RNGTT: variants seen among roughly 807,000 people sequenced by gnomAD.
The protein encoded by RNGTT is RNA guanylyltransferase and 5'-phosphatase.
A neutral mutation model predicts 79.3 loss-of-function variants in RNGTT; 33 were observed. That is an observed-to-expected ratio of 0.42 (90% CI 0.32 to 0.56). The LOEUF is 0.56. RNGTT is among the 20% of genes least tolerant of loss of function. RNGTT has a pLI of 0.17. For missense variants in RNGTT, 497 were observed against 739.1 expected, an observed-to-expected ratio of 0.67 and a Z score of 3.80; for synonymous variants, 222 against 235.9, an observed-to-expected ratio of 0.94 and a Z score of 0.54.
chr6:88,896,513 C>CA (rs1190491020), intron 6 of RNGTT, among the ~76,000 whole-genome samples: 5 of 152,098 alleles, frequency 3.3e-5, no homozygotes, highest in Non-Finnish European at 5.9e-5. Flanking sequence ...TCTTGAGAGA[C>CA]AGAGACAATG....
At chr6:88,687,597 A>T (rs1340707239) in intron 13 of RNGTT, among the ~76,000 whole-genome samples, 1 of 152,200 alleles carries the variant, frequency 6.6e-6, no homozygotes, top group Non-Finnish European at 1.5e-5. Flanking sequence ...TGCAGCGGTA[A>T]AAAATGAGGA....
intron 1 of RNGTT, among the ~76,000 whole-genome samples, chr6:88,948,104 G>A (rs1267728857): frequency 3.0e-3 from 11 of 3,656 alleles, no homozygotes; most frequent in Admixed American, 8.4e-3. Flanking sequence ...GGTGAGGGGC[G>A]CCTCTGCCCG....
chr6:88,881,274 G>A (rs1003593219), intron 8 of RNGTT, among the ~76,000 whole-genome samples: 1 of 152,104 alleles, frequency 6.6e-6, no homozygotes, highest in Non-Finnish European at 1.5e-5. Context: ...GTCTTTCATT[G>A]AGAATCATTT....
intron 14 of RNGTT, among the ~76,000 whole-genome samples, chr6:88,659,353 G>A (rs941349301): frequency 6.6e-6 from 1 of 152,166 alleles, no homozygotes; most frequent in Admixed American, 6.5e-5. Flanking sequence ...TACTCAAGGA[G>A]GTACCAGAGA....
chr6:88,770,119 A>C (rs1306906172), intron 12 of RNGTT, among the ~76,000 whole-genome samples: 1 of 152,198 alleles, frequency 6.6e-6, no homozygotes, highest in Admixed American at 6.5e-5. Flanking sequence ...CAGTGATTCT[A>C]TCCAACCTTC....
intron 13 of RNGTT, among the ~76,000 whole-genome samples, chr6:88,738,353 G>A (rs1162846570): frequency 6.6e-6 from 1 of 152,154 alleles, no homozygotes; most frequent in Non-Finnish European, 1.5e-5. Context: ...ATGTAATGCA[G>A]TATTCTAGAT....
chr6:88,956,193 A>G (rs1232628458), intron 1 of RNGTT, among the ~76,000 whole-genome samples: 2 of 152,172 alleles, frequency 1.3e-5, no homozygotes, highest in Non-Finnish European at 2.9e-5. Context: ...ACAAAAATAT[A>G]AAAGATCATT....
rs778150673 is a variant in RNGTT at position 88,614,257 on chromosome 6, A to T, written c.1630+15T>A. The T allele has an allele frequency of 1.2e-6, 2 of 1,612,568 alleles. No homozygotes were observed. Among genetic ancestry groups the T allele is most frequent in the Non-Finnish European group, 1.7e-6 (2 of 1,179,286 alleles). On this transcript the variant is annotated intron_variant, in intron 15 of 15. Coordinates refer to ENST00000369485, the MANE Select transcript of RNGTT (RefSeq NM_003800.5). ...GTTTTAAATATAATAAGCACTGGTA[A>T]GTTGTCATACTCACCCATGGCAGTG...
intron 12 of RNGTT, among the ~76,000 whole-genome samples, chr6:88,771,309 GTGTGTGTATATATATATATA>G (rs1298110820): frequency 0.012 from 1,091 of 87,340 alleles, 16 homozygotes; most frequent in African/African-American, 0.049. Context: ...ATGTATGTGT[GTGTGTGTATATATATATATA>G]TATATATATA....
intron 13 of RNGTT, among the ~76,000 whole-genome samples, chr6:88,724,128 T>C (rs2127815151): frequency 1.3e-5 from 2 of 152,320 alleles, no homozygotes; most frequent in Middle Eastern, 3.4e-3. Context: ...CTAAGGTTAA[T>C]TTATTGTTGA....
intron 2 of RNGTT, among the ~76,000 whole-genome samples, chr6:88,938,107 G>A (rs1784728408): frequency 6.6e-6 from 1 of 152,156 alleles, no homozygotes; most frequent in Non-Finnish European, 1.5e-5. Flanking sequence ...TTGACAATCT[G>A]TCTAATGATG....
chr6:88,934,092 C>T (rs1368081149), intron 2 of RNGTT, among the ~76,000 whole-genome samples: 2 of 151,934 alleles, frequency 1.3e-5, no homozygotes, highest in African/African-American at 4.8e-5. Flanking sequence ...TGCAGTAGCA[C>T]AATCATAGCT....
intron 14 of RNGTT, among the ~76,000 whole-genome samples, chr6:88,615,218 G>A (rs185405611): frequency 2.7e-4 from 41 of 152,222 alleles, no homozygotes; most frequent in African/African-American, 9.9e-4. Context: ...ATCTTTCATG[G>A]CTAACAACTT....
At position 88,863,864 on chromosome 6, in the gene RNGTT, G is replaced by A. The variant is rs554446498; in HGVS notation, c.897-10100C>T. Among the ~76,000 whole-genome samples the A allele has an allele frequency of 7.2e-5, 11 of 152,214 alleles. No homozygotes were observed. In the South Asian group the frequency reaches 2.3e-3, roughly 32 times the overall value. On this transcript the variant is annotated intron_variant, in intron 8 of 15. Transcript: ENST00000369485. ...ATGAAAAATCCAAGTTCCAGAGCCT[G>A]TAATTCCAGACTCAATAGTGCTTGC...
chr6:88,769,220 G>A (rs1263158915), intron 13 of RNGTT, among the ~76,000 whole-genome samples: 1 of 152,046 alleles, frequency 6.6e-6, no homozygotes, highest in African/African-American at 2.4e-5. Flanking sequence ...GTGCAGCAGG[G>A]TGCAGTCTCA....
At chr6:88,950,861 GTTTT>G (rs56393697) in intron 1 of RNGTT, among the ~76,000 whole-genome samples, 5 of 142,806 alleles carry the variant, frequency 3.5e-5, no homozygotes, top group African/African-American at 1.3e-4. Flanking sequence ...ACTGTTTTTG[GTTTT>G]TTTTTTTTTT....
At chr6:88,871,216 T>A (rs1331636857) in intron 8 of RNGTT, among the ~76,000 whole-genome samples, 1 of 152,200 alleles carries the variant, frequency 6.6e-6, no homozygotes, top group Non-Finnish European at 1.5e-5. Flanking sequence ...ATCATGGTAT[T>A]CTTATAAAAG....
chr6:88,725,179 C>T (rs1349614113), intron 13 of RNGTT, among the ~76,000 whole-genome samples: 1 of 152,216 alleles, frequency 6.6e-6, no homozygotes, highest in Non-Finnish European at 1.5e-5. Flanking sequence ...GGTTGTCTCT[C>T]GTGAGGAGGC....
At chr6:88,617,023 A>G (rs1772253899) in intron 14 of RNGTT, among the ~76,000 whole-genome samples, 1 of 152,248 alleles carries the variant, frequency 6.6e-6, no homozygotes, top group Non-Finnish European at 1.5e-5. Context: ...CTGTAATCCC[A>G]GCACTTTGGG....
Sources: allele counts gnomAD v4.1 joint callset (sites outside exome capture counted in the v4.1 genomes callset), GRCh38; gene constraint gnomAD v4.1.1; transcripts MANE v1.5; gene names NCBI Gene and HGNC (gene_info 2026-07-23, HGNC 2026-07-21).